The following LRRC40 variants were observed in gnomAD, a reference collection of about 807,000 sequenced individuals.
LRRC40 encodes leucine-rich repeat-containing protein 40.
Under a neutral mutation model 72.8 loss-of-function variants are expected in LRRC40, and 76 were observed. The ratio of observed to expected loss-of-function variants is 1.04; its 90% CI spans 0.87 to 1.26. The LOEUF is 1.26. Among genes scored for constraint, LRRC40 ranks in the 50% most tolerant of loss-of-function variants. LRRC40 has a pLI of 0.00. For synonymous variants in LRRC40, 243 were observed against 254.2 expected, an observed-to-expected ratio of 0.96 and a Z score of 0.42; for missense variants, 684 against 698.9, an observed-to-expected ratio of 0.98 and a Z score of 0.24.
rs55729031 is a variant in LRRC40 at position 70,187,661 on chromosome 1, C to CAA, written c.334-325_334-324dup. Among the ~76,000 whole-genome samples, 520 of 126,920 alleles carry CAA rather than the reference C, an allele frequency of 4.1e-3. 6 individuals carry two copies. Among genetic ancestry groups the CAA allele is most frequent in the African/African-American group, 0.014 (485 of 34,232 alleles). 83.3% of individuals were successfully genotyped at this position (126,920 alleles called of 152,430 possible). A position where few individuals can be genotyped will look rare whatever the true frequency, so the allele number is the denominator to read the frequency against. On this transcript the variant is annotated intron_variant, in intron 2 of 14. Transcript: ENST00000370952. ...GCAAATTAGTGAGACCTTGTCTCTA[C>CAA]AAAAAAAAAAAAAATTCTTATTAGT...
At chr1:70,176,570 A>G (rs1668110574) in intron 6 of LRRC40, among the ~76,000 whole-genome samples, 1 of 151,236 alleles carries the variant, frequency 6.6e-6, no homozygotes, top group Non-Finnish European at 1.5e-5. Flanking sequence ...TAGAGAAATA[A>G]TTTAGTAGTT....
At chr1:70,149,121 A>G (rs1359536513) in intron 13 of LRRC40, among the ~76,000 whole-genome samples, 3 of 152,204 alleles carry the variant, frequency 2.0e-5, no homozygotes, top group African/African-American at 7.2e-5. Flanking sequence ...TCTTAAAAAG[A>G]TAACAAATTA....
At chr1:70,171,483 A>G (rs1667998436) in intron 9 of LRRC40, among the ~76,000 whole-genome samples, 1 of 152,172 alleles carries the variant, frequency 6.6e-6, no homozygotes, top group Admixed American at 6.6e-5. Context: ...AAGAACACTT[A>G]CAGCTCAATG....
intron 1 of LRRC40, among the ~76,000 whole-genome samples, chr1:70,189,748 A>T (rs1396910543): frequency 6.6e-6 from 1 of 152,216 alleles, no homozygotes; most frequent in Non-Finnish European, 1.5e-5. Flanking sequence ...ATACTAATTC[A>T]CTTAAACCTT....
intron 12 of LRRC40, among the ~76,000 whole-genome samples, chr1:70,151,529 TATA>T (rs1180570403): frequency 1.3e-5 from 2 of 152,124 alleles, no homozygotes; most frequent in African/African-American, 4.8e-5. Flanking sequence ...CCCCCATGTC[TATA>T]ATACCACATA....
intron 10 of LRRC40, among the ~76,000 whole-genome samples, chr1:70,158,437 C>T: frequency 6.6e-6 from 1 of 152,008 alleles, no homozygotes; most frequent in Non-Finnish European, 1.5e-5. Flanking sequence ...ACTACAATAC[C>T]CATAAATGAA....
At chr1:70,159,003 C>T (rs1667699393) in intron 10 of LRRC40, among the ~76,000 whole-genome samples, 1 of 151,998 alleles carries the variant, frequency 6.6e-6, no homozygotes, top group South Asian at 2.1e-4. Context: ...TTTTTAATAT[C>T]CTTCTATTTT....
chr1:70,146,680 G>A (rs933504063), intron 14 of LRRC40, among the ~76,000 whole-genome samples: 1 of 152,130 alleles, frequency 6.6e-6, no homozygotes. Flanking sequence ...ATCAGCATGA[G>A]TCATCCAAGC....
chr1:70,148,994 G>C (rs190011953), intron 13 of LRRC40, among the ~76,000 whole-genome samples: 3 of 152,100 alleles, frequency 2.0e-5, no homozygotes, highest in Admixed American at 2.0e-4. Context: ...ATCCATGTAG[G>C]TATTCTTCCT....
chr1:70,176,493 T>C (rs549141481), intron 6 of LRRC40, among the ~76,000 whole-genome samples: 9 of 144,458 alleles, frequency 6.2e-5, no homozygotes, highest in Non-Finnish European at 6.0e-5. Context: ...GATCACACCA[T>C]TGCACTCTAG....
chr1:70,195,943 T>C (rs1668598834), intron 1 of LRRC40, among the ~76,000 whole-genome samples: 1 of 152,050 alleles, frequency 6.6e-6, no homozygotes, highest in South Asian at 2.1e-4. Context: ...GACCTATACT[T>C]ACTACTATAC....
At position 70,178,839 on chromosome 1, in the gene LRRC40, A is replaced by G. The variant is rs1668167260; in HGVS notation, c.804+12T>C. ...GGAAAATATAGTTATTTAATAATCA[A>G]CTAAATAGTACCTTCAATAGACTAC... is the stretch of plus-strand genomic sequence containing the variant. On this transcript the variant is annotated intron_variant, in intron 6 of 14. Coordinates refer to ENST00000370952, the MANE Select transcript of LRRC40 (RefSeq NM_017768.5). 6.7e-7 allele frequency: 1 copy of G among 1,499,434 alleles called. No individual in the cohort carries two copies. The highest frequency in any genetic ancestry group is 1.3e-5 in the South Asian group (1 of 76,212). 92.9% of individuals were successfully genotyped at this position (1,499,434 alleles called of 1,614,324 possible).
chr1:70,162,822 A>G (rs1211491220), intron 9 of LRRC40, among the ~76,000 whole-genome samples: 1 of 152,178 alleles, frequency 6.6e-6, no homozygotes, highest in Admixed American at 6.5e-5. Context: ...CCCAAAGACT[A>G]TTCCTTAGTA....
chr1:70,159,254 A>G, intron 10 of LRRC40, 76 bp downstream of exon 10: 1 of 553,168 alleles, frequency 1.8e-6, no homozygotes, highest in Non-Finnish European at 3.0e-6. Context: ...CTTGAGCCCA[A>G]GAAGCTCAAG....
In LRRC40 at chr1:70,167,262, G is replaced by A. The variant is rs150228928; in HGVS notation, c.1111+6203C>T. ...AAAAAAAAAAAGAAAAAAGAAAAAG[G>A]TCAAGGAGAATACTGAGCTGAGCGT... On this transcript the variant is annotated intron_variant, in intron 9 of 14. Transcript: ENST00000370952. 4.5e-3 allele frequency among the ~76,000 whole-genome samples: 676 copies of A among 151,072 alleles called. 6 individuals are homozygous for A. The highest frequency in any genetic ancestry group is 0.016 in the African/African-American group (663 of 41,266).
At chr1:70,203,945 C>T (rs1668815051) in intron 1 of LRRC40, among the ~76,000 whole-genome samples, 1 of 152,140 alleles carries the variant, frequency 6.6e-6, no homozygotes. Context: ...TGAGTTTCTG[C>T]CATTTATATC....
At chr1:70,161,210 G>A (rs1242379785) in intron 9 of LRRC40, among the ~76,000 whole-genome samples, 2 of 150,848 alleles carry the variant, frequency 1.3e-5, no homozygotes, top group Non-Finnish European at 1.5e-5. Context: ...TCAGCCTCCC[G>A]AGTAGCTGGG....
At chr1:70,146,734 C>CCCCT (rs1667308762) in intron 14 of LRRC40, among the ~76,000 whole-genome samples, 1 of 152,130 alleles carries the variant, frequency 6.6e-6, no homozygotes, top group Non-Finnish European at 1.5e-5. Flanking sequence ...ACTGCTCCAC[C>CCCCT]CCCTGCCTCC....
At chr1:70,149,416 G>A (rs1369989181) in intron 13 of LRRC40, among the ~76,000 whole-genome samples, 1 of 152,156 alleles carries the variant, frequency 6.6e-6, no homozygotes, top group East Asian at 1.9e-4. Context: ...TCAAGGCAGT[G>A]CTGAAGTTCC....
Sources: gnomAD v4.1 joint callset for allele counts (sites outside exome capture counted in the v4.1 genomes callset) on GRCh38, gnomAD v4.1.1 for gene constraint, MANE v1.5 for transcripts, NCBI Gene and HGNC (gene_info 2026-07-23, HGNC 2026-07-21) for gene names.